ZNF521: variants seen among roughly 807,000 people sequenced by gnomAD.
The protein encoded by ZNF521 is zinc finger protein 521, also known as LYST-interacting protein 3.
Under a neutral mutation model 105.5 loss-of-function variants are expected in ZNF521, and 14 were observed. The observed-to-expected ratio is 0.13, with a 90% CI of 0.09 to 0.21. The LOEUF (loss-of-function observed/expected upper bound fraction) is 0.21, where lower values mean the gene tolerates loss of function less well. Ranked by LOEUF, ZNF521 falls within the 10% of genes least tolerant of loss-of-function variation. The pLI, the probability that ZNF521 is intolerant of heterozygous loss-of-function variation, is 1.00. For missense variants in ZNF521, 1,233 were observed against 1,629.7 expected (o/e 0.76, Z 4.19); for synonymous variants, 635 against 606.0 (o/e 1.05, Z -0.70).
chr18:25,266,930 C>T (rs1909301607), intron 3 of ZNF521, among the ~76,000 whole-genome samples: 1 of 152,086 alleles, frequency 6.6e-6, no homozygotes, highest in African/African-American at 2.4e-5. Context: ...TAGACAGTAC[C>T]GTTCATTCCC....
chr18:25,153,890 A>T (rs1340247343), intron 5 of ZNF521, among the ~76,000 whole-genome samples: 3 of 152,220 alleles, frequency 2.0e-5, no homozygotes, highest in Non-Finnish European at 4.4e-5. Context: ...CAACAAAACA[A>T]GCACAGATAC....
chr18:25,203,142 T>C (rs993187627), intron 4 of ZNF521, among the ~76,000 whole-genome samples: 3 of 152,210 alleles, frequency 2.0e-5, no homozygotes, highest in Non-Finnish European at 4.4e-5. Context: ...TTTAAGTATT[T>C]TGCCTAAATG....
chr18:25,349,674 C>A (rs1254450092), intron 2 of ZNF521, among the ~76,000 whole-genome samples: 2 of 151,756 alleles, frequency 1.3e-5, no homozygotes, highest in East Asian at 3.9e-4. Flanking sequence ...GAAGCTGGTG[C>A]GGGAACCGGG....
intron 7 of ZNF521, among the ~76,000 whole-genome samples, chr18:25,087,958 T>C (rs1016759823): frequency 6.6e-6 from 1 of 152,156 alleles, no homozygotes; most frequent in African/African-American, 2.4e-5. Context: ...ATTCCTTATT[T>C]TGACACATAA....
rs35535552 is a variant in ZNF521, at chr18:25,225,254, G to A, written c.2664C>T (p.Cys888=). The part of the protein sequence containing the change: ...DVDTSEPMYG[C]DICGAAYTME... ...TAGTGTAGGCTGCCCCACAAATGTCGCAGCCGTACATAGGCTCAGAGGTGT... is the reference window on the plus strand; with the variant it reads ...TAGTGTAGGCTGCCCCACAAATGTCACAGCCGTACATAGGCTCAGAGGTGT... The change falls in exon 4 of 8, where the codon TGC becomes TGT. Residue 888 remains cysteine (C), a synonymous_variant. Transcript: ENST00000361524. This position sits in a 1 kb window ranked among gnomAD's most constrained non-coding sequence, Gnocchi z 5.6. 5,263 of 1,614,042 alleles carry A rather than the reference G, an allele frequency of 3.3e-3. 19 individuals carry two copies. Among genetic ancestry groups the A allele is most frequent in the Admixed American group, 4.4e-3 (265 of 60,002 alleles).
rs45476892 is a variant in ZNF521, at chr18:25,210,719, TA to T, written c.3573+13625del. On this transcript the variant is annotated intron_variant, in intron 4 of 7. Transcript: ENST00000361524. ...AAGTGTTTACAAAGAACCTATGGCA[TA>T]CAAGTAACTAACCGGGGACCCACGG... Among the ~76,000 whole-genome samples, 1,497 of 152,280 alleles carry T rather than the reference TA, an allele frequency of 9.8e-3. 10 individuals carry two copies. Among genetic ancestry groups the T allele is most frequent in the South Asian group, 0.019 (94 of 4,826 alleles).
intron 5 of ZNF521, among the ~76,000 whole-genome samples, chr18:25,101,878 A>G (rs1334009526): frequency 6.6e-6 from 1 of 152,198 alleles, no homozygotes; most frequent in Non-Finnish European, 1.5e-5. Context: ...ATTTCTTTAC[A>G]GCCAAGTGGC....
chr18:25,321,625 G>T (rs746379119), intron 3 of ZNF521, among the ~76,000 whole-genome samples: 4 of 152,168 alleles, frequency 2.6e-5, no homozygotes, highest in Non-Finnish European at 5.9e-5. Flanking sequence ...ATCAGAAAAG[G>T]TTTCCTTCAG....
intron 4 of ZNF521, among the ~76,000 whole-genome samples, chr18:25,213,740 C>T (rs953063440): frequency 6.6e-6 from 1 of 152,030 alleles, no homozygotes; most frequent in Non-Finnish European, 1.5e-5. Flanking sequence ...TTTTGAAAGC[C>T]ACCTGAGCCT....
At chr18:25,074,274 A>G (rs181516985) in intron 7 of ZNF521, among the ~76,000 whole-genome samples, 6 of 152,230 alleles carry the variant, frequency 3.9e-5, no homozygotes, top group Non-Finnish European at 5.9e-5. Flanking sequence ...AGGAGCCCCA[A>G]GTAATTCTTG....
chr18:25,323,395 A>G (rs1006571130), intron 2 of ZNF521, among the ~76,000 whole-genome samples: 6 of 152,098 alleles, frequency 3.9e-5, no homozygotes, highest in African/African-American at 1.4e-4. Flanking sequence ...AATGGCTACA[A>G]TAAATATGAT....
chr18:25,198,081 G>A (rs2144643656), intron 4 of ZNF521, among the ~76,000 whole-genome samples: 1 of 151,916 alleles, frequency 6.6e-6, no homozygotes, highest in South Asian at 2.1e-4. Context: ...CGCTTAAGTT[G>A]TCAATTTACT....
intron 3 of ZNF521, chr18:25,315,518 T>G (rs1439961272): frequency 6.6e-6 from 1 of 152,206 alleles, no homozygotes; most frequent in African/African-American, 2.4e-5. Flanking sequence ...AGTGACAGAC[T>G]CCATGAGGTG....
chr18:25,170,528 T>G (rs1050742098), intron 5 of ZNF521, among the ~76,000 whole-genome samples: 1 of 152,160 alleles, frequency 6.6e-6, no homozygotes, highest in African/African-American at 2.4e-5. Context: ...CTAAATCAGT[T>G]TTGACTACAC....
At chr18:25,141,863 T>C (rs2034854369) in intron 5 of ZNF521, among the ~76,000 whole-genome samples, 2 of 152,160 alleles carry the variant, frequency 1.3e-5, no homozygotes, top group African/African-American at 4.8e-5. Flanking sequence ...AACATCACCA[T>C]ACGACTGTCG....
At chr18:25,270,927 C>A (rs1909616264) in intron 3 of ZNF521, among the ~76,000 whole-genome samples, 1 of 152,090 alleles carries the variant, frequency 6.6e-6, no homozygotes, top group Non-Finnish European at 1.5e-5. Context: ...CTGGCCAGGG[C>A]AATCAGGCAA....
Position 25,227,123 on chromosome 18 carries a change from A to T in ZNF521, c.795T>A (p.Ile265=). The T allele has an allele frequency of 6.2e-7, 1 of 1,614,136 alleles. No individual in the cohort carries two copies. The highest frequency in any genetic ancestry group is 8.5e-7 in the Non-Finnish European group (1 of 1,180,008). The change falls in exon 4 of 8, where the codon ATT becomes ATA. Residue 265 remains isoleucine (I), a synonymous_variant. Coordinates refer to ENST00000361524, the MANE Select transcript of ZNF521 (RefSeq NM_015461.3). This position sits in a 1 kb window ranked among gnomAD's most constrained non-coding sequence, Gnocchi z 5.7. ...FDFPEDLQKH[I]AECHPECSPN... ...GGGAGCATTCGGGGTGGCACTCTGC[A>T]ATGTGTTTTTGGAGGTCTTCCGGGA...
At chr18:25,088,463 C>T (rs1221899215) in intron 7 of ZNF521, among the ~76,000 whole-genome samples, 1 of 151,982 alleles carries the variant, frequency 6.6e-6, no homozygotes, top group Non-Finnish European at 1.5e-5. Context: ...TCGTGATCCT[C>T]CCACCTCGGC....
intron 4 of ZNF521, among the ~76,000 whole-genome samples, chr18:25,222,143 C>T (rs569908254): frequency 5.8e-4 from 88 of 152,200 alleles, no homozygotes; most frequent in African/African-American, 1.7e-3. Context: ...GGGAGGTACT[C>T]GACTGCATAG....
Sources: gnomAD v4.1 joint callset for allele counts (sites outside exome capture counted in the v4.1 genomes callset) on GRCh38, gnomAD v4.1.1 for gene constraint, Gnocchi (gnomAD v3.1) non-coding constraint, MANE v1.5 for transcripts, NCBI Gene and HGNC (gene_info 2026-07-23, HGNC 2026-07-21) for gene names.